Variants in KIF19 observed in about 807,000 individuals in gnomAD.
KIF19 encodes kinesin family member 19.
Under a neutral mutation model 106.6 loss-of-function variants are expected in KIF19, and 98 were observed. The ratio of observed to expected loss-of-function variants is 0.92; its 90% CI spans 0.78 to 1.09. The LOEUF (loss-of-function observed/expected upper bound fraction) is 1.09, where lower values mean the gene tolerates loss of function less well. Among genes scored for constraint, KIF19 ranks in the 50% least tolerant of loss-of-function variants. The probability of loss-of-function intolerance (pLI) is 0.00; values close to 1 mark genes in which losing one functional copy is unlikely to be tolerated. For missense variants in KIF19, 1,373 were observed against 1,414.3 expected (o/e 0.97, Z 0.47); for synonymous variants, 516 against 584.2 (o/e 0.88, Z 1.68).
chr17:74,344,666 A>T (rs2054480047), intron 6 of KIF19, 95 bp from the exon 7 acceptor site: 4 of 1,328,954 alleles, frequency 3.0e-6, no homozygotes, highest in Non-Finnish European at 4.1e-6. Context: ...AACTGCTCAG[A>T]CATAGGACCC....
At chr17:74,347,752 C>T (rs772403270) in intron 8 of KIF19, 25 bp from the exon 9 acceptor site, 7 of 1,583,764 alleles carry the variant, frequency 4.4e-6, no homozygotes, top group Non-Finnish European at 5.1e-6. Context: ...GCAGTCCCCA[C>T]TGACCACAGC....
rs966290558 is a variant in KIF19 at position 74,336,139 on chromosome 17, G to A, written c.121-5737G>A. ...GCTGGATTGCAGTGGCATAATCTCC[G>A]CTCACTGCAACCTCTGCCTCCTGGG... On this transcript the variant is annotated intron_variant, in intron 2 of 19. Coordinates refer to ENST00000389916, the MANE Select transcript of KIF19 (RefSeq NM_153209.4). 7.9e-5 allele frequency among the ~76,000 whole-genome samples: 12 copies of A among 152,144 alleles called. No individual in the cohort carries two copies. In the South Asian group the frequency reaches 8.3e-4, roughly 11 times the overall value.
rs761995774 is a variant in KIF19 at position 74,354,530 on chromosome 17, T to G, written c.2677T>G (p.Ser893Ala). 1.3e-6 allele frequency: 2 copies of G among 1,599,774 alleles called. No individual in the cohort carries two copies. Among genetic ancestry groups the G allele is most frequent in the Admixed American group, 3.5e-5 (2 of 57,818 alleles). ...SLEAKRRKRR[S>A]RSFEVTGQGL... The stretch of plus-strand genomic sequence containing the variant: ...GGAGGCAAAGAGAAGGAAGCGGAGG[T>G]CCCGATCCTTCGAGGTCACCGGGCA... Residue 893 changes from serine (S) to alanine (A), a missense_variant, in exon 18 of 20, where the codon TCC (serine) becomes GCC (alanine). Coordinates refer to ENST00000389916, the MANE Select transcript of KIF19 (RefSeq NM_153209.4).
At chr17:74,349,433 C>T in intron 10 of KIF19, 84 bp downstream of exon 10, 3 of 1,382,842 alleles carry the variant, frequency 2.2e-6, no homozygotes, top group Admixed American at 2.8e-5. Flanking sequence ...GTGTTCAAAT[C>T]CAGAATCGGG....
rs1162754215 is a variant in KIF19, at chr17:74,342,056, C to A, written c.231+70C>A. ...ACCCTTAGCCCCACTCAGGAGGGGCCCTCCAGGGCCCCTGCCTTTGAACCT... is the reference window on the plus strand; with the variant it reads ...ACCCTTAGCCCCACTCAGGAGGGGCACTCCAGGGCCCCTGCCTTTGAACCT... On this transcript the variant is annotated intron_variant, in intron 3 of 19. Transcript: ENST00000389916. 6 of 1,128,572 alleles carry A rather than the reference C, an allele frequency of 5.3e-6. No homozygotes were observed. In the African/African-American group the frequency reaches 9.3e-5, roughly 17 times the overall value. The allele number at this position is 1,128,572 out of a possible 1,614,324, so 69.9% of individuals were successfully genotyped here. A position where few individuals can be genotyped will look rare whatever the true frequency, so the allele number is the denominator to read the frequency against.
At chr17:74,350,926 C>G in intron 12 of KIF19, 21 bp downstream of exon 12, 2 of 1,611,910 alleles carry the variant, frequency 1.2e-6, no homozygotes, top group Non-Finnish European at 1.7e-6. Flanking sequence ...TTTGGGGGGA[C>G]AAGGAGAGTG....
intron 2 of KIF19, chr17:74,328,880 T>G (rs1350111245): frequency 6.0e-6 from 1 of 166,418 alleles, no homozygotes; most frequent in Non-Finnish European, 1.3e-5. Flanking sequence ...GCTCTCTGTT[T>G]GCAATCTTGG....
At chr17:74,336,069 G>A (rs2054214016) in intron 2 of KIF19, among the ~76,000 whole-genome samples, 1 of 152,142 alleles carries the variant, frequency 6.6e-6, no homozygotes, top group Non-Finnish European at 1.5e-5. Context: ...TTGGCTTTAT[G>A]CTTATTTATT....
chr17:74,352,175 G>T, intron 13 of KIF19, 38 bp downstream of exon 13: 3 of 1,589,622 alleles, frequency 1.9e-6, no homozygotes, highest in Non-Finnish European at 2.6e-6. Flanking sequence ...GCCACCCGCG[G>T]GGGGGCCGCT....
chr17:74,339,981 C>G (rs2054319736), intron 2 of KIF19, among the ~76,000 whole-genome samples: 2 of 152,202 alleles, frequency 1.3e-5, no homozygotes, highest in African/African-American at 4.8e-5. Flanking sequence ...TCAGTCTCCA[C>G]CCCTGCCCTC....
chr17:74,340,551 G>GCA (rs1374639070), intron 2 of KIF19, among the ~76,000 whole-genome samples: 11 of 596 alleles, frequency 0.018, no homozygotes, highest in African/African-American at 0.073. Context: ...AGGTATGCGC[G>GCA]CGCGTACACA....
intron 2 of KIF19, among the ~76,000 whole-genome samples, chr17:74,340,557 A>G (rs79948252): frequency 5.4e-5 from 2 of 36,850 alleles, no homozygotes; most frequent in East Asian, 7.1e-4. Flanking sequence ...GCGCGCGCGT[A>G]CACACACACA....
chr17:74,349,654 G>A (rs527667022), intron 10 of KIF19, among the ~76,000 whole-genome samples: 16 of 152,376 alleles, frequency 1.1e-4, no homozygotes, highest in African/African-American at 3.1e-4. Flanking sequence ...GGGCTGTGGC[G>A]TAGGGCTGCG....
At chr17:74,326,981 G>C (rs2053931688) in intron 1 of KIF19, among the ~76,000 whole-genome samples, 1 of 152,172 alleles carries the variant, frequency 6.6e-6, no homozygotes. Flanking sequence ...GACAGATGGG[G>C]AGGTGAGAGT....
intron 2 of KIF19, among the ~76,000 whole-genome samples, chr17:74,340,555 G>GCACA: frequency 2.0e-5 from 3 of 148,210 alleles, no homozygotes; most frequent in African/African-American, 7.5e-5. Flanking sequence ...ATGCGCGCGC[G>GCACA]TACACACACA....
chr17:74,329,805 G>A (rs2054024287), intron 2 of KIF19, among the ~76,000 whole-genome samples: 1 of 152,240 alleles, frequency 6.6e-6, no homozygotes, highest in African/African-American at 2.4e-5. Flanking sequence ...CCAGGTAGGA[G>A]CATCGTGGTG....
intron 2 of KIF19, among the ~76,000 whole-genome samples, chr17:74,333,571 G>C (rs1305263236): frequency 1.3e-5 from 2 of 152,080 alleles, no homozygotes; most frequent in African/African-American, 4.8e-5. Context: ...ATGTTGGCCA[G>C]GCTGGTCTCG....
At chr17:74,353,830 T>C (rs939411674) in intron 17 of KIF19, among the ~76,000 whole-genome samples, 3 of 152,218 alleles carry the variant, frequency 2.0e-5, no homozygotes, top group African/African-American at 7.2e-5. Flanking sequence ...ACATGTGGCA[T>C]GGAGACTTAT....
rs999916486 is a variant in KIF19 at position 74,341,902 on chromosome 17, G to A, written c.147G>A (p.Glu49=). 29 of 1,613,622 alleles carry A rather than the reference G, an allele frequency of 1.8e-5. No individual in the cohort carries two copies. The highest frequency in any genetic ancestry group is 2.5e-5 in the Non-Finnish European group (29 of 1,179,838). The change falls in exon 3 of 20, where the codon GAG becomes GAA. Residue 49 remains glutamate, a synonymous_variant. Coordinates refer to ENST00000389916, the MANE Select transcript of KIF19 (RefSeq NM_153209.4). ...TGGTGGTTCTCATGGACCCAATGGA[G>A]GATCCCGACGACATCCTGCGGGCGC... is the stretch of plus-strand genomic sequence containing the variant. ...EQMVVLMDPM[E]DPDDILRAHR...
Sources: gnomAD v4.1 joint callset for allele counts (sites outside exome capture counted in the v4.1 genomes callset) on GRCh38, gnomAD v4.1.1 for gene constraint, MANE v1.5 for transcripts, NCBI Gene and HGNC (gene_info 2026-07-23, HGNC 2026-07-21) for gene names.